The following PSMB7 variants were observed in gnomAD, a reference collection of about 807,000 sequenced individuals.
The protein encoded by PSMB7 is proteasome 20S subunit beta 7, also known as proteasome subunit beta type-7.
In PSMB7, 5 loss-of-function variants were observed where a neutral mutation model predicts 28.1. That is an observed-to-expected ratio of 0.18 (90% CI 0.09 to 0.37). PSMB7 has a LOEUF of 0.37. Among genes scored for constraint, PSMB7 ranks in the 10% least tolerant of loss-of-function variants. PSMB7 has a pLI of 1.00. For missense variants in PSMB7, 275 were observed against 346.2 expected, an observed-to-expected ratio of 0.79 and a Z score of 1.63; for synonymous variants, 122 against 123.7, an observed-to-expected ratio of 0.99 and a Z score of 0.09.
intron 5 of PSMB7, among the ~76,000 whole-genome samples, chr9:124,397,266 C>T (rs1475492601): frequency 6.6e-6 from 1 of 152,180 alleles, no homozygotes; most frequent in African/African-American, 2.4e-5. Context: ...GTAGGTGCTA[C>T]AGCTGGATGA....
chr9:124,400,422 C>T (rs1830890502), intron 5 of PSMB7, among the ~76,000 whole-genome samples: 1 of 152,194 alleles, frequency 6.6e-6, no homozygotes, highest in African/African-American at 2.4e-5. Flanking sequence ...ATGCACTGTC[C>T]CTTTTCTGGG....
intron 4 of PSMB7, among the ~76,000 whole-genome samples, chr9:124,410,341 T>C (rs1280999551): frequency 2.0e-5 from 3 of 152,314 alleles, no homozygotes; most frequent in South Asian, 2.1e-4. Flanking sequence ...ACAGAAACAT[T>C]TGCTAGATTT....
At chr9:124,406,329 C>G (rs1302010735) in intron 4 of PSMB7, among the ~76,000 whole-genome samples, 1 of 151,404 alleles carries the variant, frequency 6.6e-6, no homozygotes, top group African/African-American at 2.4e-5. Flanking sequence ...ATGGCGAGAC[C>G]CTGTCTACAA....
At chr9:124,401,531 A>C (rs372469947) in intron 5 of PSMB7, among the ~76,000 whole-genome samples, 208 of 152,364 alleles carry the variant, frequency 1.4e-3, no homozygotes, top group Non-Finnish European at 2.4e-3. Context: ...CCTCCTTCTA[A>C]GACTCGGCTC....
Position 124,355,045 on chromosome 9 carries a change from C to CTT in PSMB7, c.723-1337_723-1336insAA, listed in dbSNP as rs575912096. The stretch of plus-strand genomic sequence containing the variant: ...CATGGCACGGGATGCTTCCTCAGGC[C>CTT]TATCGCCCTGCCCGCACCCTAGCAT... On this transcript the variant is annotated intron_variant, in intron 7 of 7. Coordinates refer to ENST00000259457, the MANE Select transcript of PSMB7 (RefSeq NM_002799.4). Among the ~76,000 whole-genome samples, 10 of 152,390 alleles carry CTT rather than the reference C, an allele frequency of 6.6e-5. No individual in the cohort carries two copies. In the East Asian group the frequency reaches 1.9e-3, roughly 29 times the overall value.
intron 6 of PSMB7, among the ~76,000 whole-genome samples, chr9:124,379,387 C>T (rs780556563): frequency 9.9e-5 from 15 of 152,154 alleles, no homozygotes; most frequent in East Asian, 5.8e-4. Flanking sequence ...GGAATAGAAA[C>T]GACCAGGTGT....
chr9:124,384,812 A>T (rs1049052796), intron 5 of PSMB7, among the ~76,000 whole-genome samples, 156 bp from the exon 6 acceptor site: 4 of 152,248 alleles, frequency 2.6e-5, no homozygotes, highest in Non-Finnish European at 5.9e-5. Flanking sequence ...AACCAGGTAA[A>T]AACAGTGCTC....
At chr9:124,403,172 T>C (rs1439621118) in intron 5 of PSMB7, among the ~76,000 whole-genome samples, 1 of 151,926 alleles carries the variant, frequency 6.6e-6, no homozygotes, top group Non-Finnish European at 1.5e-5. Context: ...GAAGCAATAA[T>C]GTAAATGTTA....
At chr9:124,399,132 G>C (rs73588228) in intron 5 of PSMB7, among the ~76,000 whole-genome samples, 56 of 152,144 alleles carry the variant, frequency 3.7e-4, no homozygotes, top group African/African-American at 1.3e-3. Flanking sequence ...CAAACTGCTA[G>C]TTCACAAACA....
rs371191206 is a variant in PSMB7 at position 124,414,370 on chromosome 9, T to C, written c.157-365A>G. 7.2e-5 allele frequency among the ~76,000 whole-genome samples: 11 copies of C among 152,336 alleles called. No individual in the cohort carries two copies. In the East Asian group the frequency reaches 1.2e-3, roughly 16 times the overall value. On this transcript the variant is annotated intron_variant, in intron 2 of 7. Transcript: ENST00000259457. ...CCTTTTAAAACATGTTGCTTTTCTT[T>C]AAAACATGTTGCACAGGTAATCATT...
At chr9:124,385,065 A>G (rs891554761) in intron 5 of PSMB7, among the ~76,000 whole-genome samples, 2 of 152,256 alleles carry the variant, frequency 1.3e-5, no homozygotes, top group African/African-American at 4.8e-5. Flanking sequence ...GCTAAATACC[A>G]AGCCAGTTCC....
chr9:124,377,614 A>G (rs908625510), intron 6 of PSMB7, among the ~76,000 whole-genome samples: 3 of 152,248 alleles, frequency 2.0e-5, no homozygotes, highest in South Asian at 2.1e-4. Context: ...TTTCCTCAGT[A>G]GCTAGGTGTT....
chr9:124,391,968 G>T (rs143516216), intron 5 of PSMB7, among the ~76,000 whole-genome samples: 221 of 152,362 alleles, frequency 1.5e-3, no homozygotes, highest in Middle Eastern at 6.8e-3. Flanking sequence ...TAAGTCAAAA[G>T]CTAGGAAGGA....
At chr9:124,355,998 G>A (rs562486849) in intron 7 of PSMB7, among the ~76,000 whole-genome samples, 141 of 152,282 alleles carry the variant, frequency 9.3e-4, no homozygotes, top group African/African-American at 3.2e-3. Context: ...AGTGGGAGCC[G>A]TAGTTTATAA....
chr9:124,414,892 G>A lies in PSMB7; in HGVS notation c.106C>T (p.Leu36Phe). 1 of 1,613,708 alleles carries A rather than the reference G, an allele frequency of 6.2e-7. No homozygotes were observed. The highest frequency in any genetic ancestry group is 1.1e-5 in the South Asian group (1 of 91,038). ...GTGCCAGTTTTCCGGACCTTTGGAA[G>A]CTTGTATCCCCTCTTTGCAAAATCG... ...EADFAKRGYK[L>F]PKVRKTGTTI... Residue 36 changes from leucine (L) to phenylalanine (F), a missense_variant, in exon 2 of 8, where the codon CTT becomes TTT. By Grantham distance (22) the Leu-to-Phe change is conservative. Coordinates refer to ENST00000259457, the MANE Select transcript of PSMB7 (RefSeq NM_002799.4).
At chr9:124,411,205 CAGGT>C (rs1465163205) in intron 4 of PSMB7, among the ~76,000 whole-genome samples, 1 of 152,194 alleles carries the variant, frequency 6.6e-6, no homozygotes, top group African/African-American at 2.4e-5. Context: ...CTCCTTACCT[CAGGT>C]GATCCGCCAA....
At chr9:124,394,876 T>C (rs747763369) in intron 5 of PSMB7, among the ~76,000 whole-genome samples, 6 of 152,188 alleles carry the variant, frequency 3.9e-5, no homozygotes, top group Non-Finnish European at 7.3e-5. Context: ...TTCCCAGCTG[T>C]TTTATTCCTG....
chr9:124,394,087 A>G (rs1487882745), intron 5 of PSMB7, among the ~76,000 whole-genome samples: 1 of 152,220 alleles, frequency 6.6e-6, no homozygotes, highest in Non-Finnish European at 1.5e-5. Flanking sequence ...CCCAAACTTC[A>G]GGGCATTCCA....
chr9:124,368,533 A>G (rs1214280605), intron 6 of PSMB7, among the ~76,000 whole-genome samples: 1 of 152,210 alleles, frequency 6.6e-6, no homozygotes, highest in Non-Finnish European at 1.5e-5. Context: ...ACATCCAAAC[A>G]TTGACATTTC....
Sources: gnomAD v4.1 joint callset for allele counts (sites outside exome capture counted in the v4.1 genomes callset) on GRCh38, gnomAD v4.1.1 for gene constraint, MANE v1.5 for transcripts, NCBI Gene and HGNC (gene_info 2026-07-23, HGNC 2026-07-21) for gene names.